Variants in SYNE1 observed in about 807,000 individuals in gnomAD.
The protein encoded by SYNE1 is nesprin-1.
Under a neutral mutation model 1,111.0 loss-of-function variants are expected in SYNE1, and 616 were observed. The observed-to-expected ratio is 0.55, with a 90% CI of 0.52 to 0.59. The LOEUF is 0.59. SYNE1 is among the 20% of genes least tolerant of loss of function. The probability of loss-of-function intolerance (pLI) is 0.00; values close to 1 mark genes in which losing one functional copy is unlikely to be tolerated. For missense variants in SYNE1, 10,006 were observed against 10,417.0 expected, an observed-to-expected ratio of 0.96 and a Z score of 1.72; for synonymous variants, 3,855 against 3,825.8, an observed-to-expected ratio of 1.01 and a Z score of -0.28.
intron 121 of SYNE1, among the ~76,000 whole-genome samples, chr6:152,217,257 G>A (rs554742142): frequency 4.6e-5 from 7 of 150,578 alleles, no homozygotes; most frequent in East Asian, 2.0e-4. Context: ...TTAGCCAGGC[G>A]TGGTGGACAG....
intron 9 of SYNE1, among the ~76,000 whole-genome samples, chr6:152,504,355 AAC>A (rs1402013408): frequency 1.3e-5 from 2 of 152,150 alleles, no homozygotes; most frequent in African/African-American, 4.8e-5. Flanking sequence ...TACTCTTGGA[AAC>A]ACAAGTCTAT....
intron 107 of SYNE1, among the ~76,000 whole-genome samples, chr6:152,240,914 T>C (rs1190409959): frequency 6.6e-6 from 1 of 152,166 alleles, no homozygotes; most frequent in Non-Finnish European, 1.5e-5. Flanking sequence ...GCTAGAATCA[T>C]TATTTTTAAC....
At chr6:152,555,936 C>T (rs1427163765) in intron 3 of SYNE1, among the ~76,000 whole-genome samples, 2 of 152,164 alleles carry the variant, frequency 1.3e-5, no homozygotes, top group African/African-American at 2.4e-5. Flanking sequence ...AATGGTTCAG[C>T]TACCTATGTC....
intron 62 of SYNE1, among the ~76,000 whole-genome samples, chr6:152,365,306 A>C (rs930668237): frequency 6.6e-6 from 1 of 152,202 alleles, no homozygotes. Context: ...CAAGGGAAAA[A>C]TATAGTACAG....
chr6:152,439,815 A>G (rs750067340), intron 32 of SYNE1, among the ~76,000 whole-genome samples: 5 of 152,136 alleles, frequency 3.3e-5, no homozygotes, highest in Non-Finnish European at 5.9e-5. Context: ...ATAAACCCCA[A>G]AGAGGCACCA....
At chr6:152,310,347 T>C in intron 89 of SYNE1, 49 bp downstream of exon 89, 1 of 1,612,084 alleles carries the variant, frequency 6.2e-7, no homozygotes, top group South Asian at 1.1e-5. Context: ...TATCCTCTTT[T>C]AAAAATATAG....
At chr6:152,389,042 C>T (rs1013714203) in intron 53 of SYNE1, among the ~76,000 whole-genome samples, 1 of 151,732 alleles carries the variant, frequency 6.6e-6, no homozygotes, top group African/African-American at 2.4e-5. Context: ...AGAGTCACTG[C>T]CTATGCTCCA....
At chr6:152,479,179 G>C (rs547083333) in intron 14 of SYNE1, among the ~76,000 whole-genome samples, 1 of 152,078 alleles carries the variant, frequency 6.6e-6, no homozygotes, top group Non-Finnish European at 1.5e-5. Flanking sequence ...TTGGGTGTAG[G>C]ACAGGATCCT....
At chr6:152,407,288 A>G (rs996896402) in intron 44 of SYNE1, 92 bp from the exon 45 acceptor site, 10 of 1,279,728 alleles carry the variant, frequency 7.8e-6, no homozygotes, top group East Asian at 4.9e-5. Context: ...TTATCAGAAA[A>G]GTATATTCTG....
chr6:152,227,460 T>C (rs972351827), intron 115 of SYNE1, among the ~76,000 whole-genome samples: 1 of 152,190 alleles, frequency 6.6e-6, no homozygotes, highest in East Asian at 1.9e-4. Flanking sequence ...ATCATTTTTG[T>C]TTTTCATATT....
chr6:152,433,769 A>G, intron 34 of SYNE1, 26 bp downstream of exon 34: 1 of 1,613,362 alleles, frequency 6.2e-7, no homozygotes, highest in Non-Finnish European at 8.5e-7. Flanking sequence ...GACATGGATT[A>G]TAAATATAAT....
At position 152,164,163 on chromosome 6, in the gene SYNE1, C is replaced by G; in HGVS notation, c.23790G>C (p.Gln7930His). ...EEIQRKLNEQ[Q>H]ELQRDIEKHS... ...ATTCCATTTCCATTTTAAGTCTTAC[C>G]TGCTGCTCATTAAGCTTTCTCTGTA... The change falls in exon 131 of 146, where the codon CAG becomes CAC. Residue 7930 changes from glutamine (Q) to histidine (H), a missense_variant and splice_region_variant. This residue lies in a region of SYNE1 where 2,182 missense variants were observed against 2,287.8 expected (regional missense o/e 0.95). Transcript: ENST00000367255. 6.2e-7 allele frequency: 1 copy of G among 1,614,136 alleles called. No homozygotes were observed. Among genetic ancestry groups the G allele is most frequent in the Non-Finnish European group, 8.5e-7 (1 of 1,179,996 alleles).
At chr6:152,132,024 G>A (rs1403784012) in intron 144 of SYNE1, 98 bp downstream of exon 144, 1 of 1,114,954 alleles carries the variant, frequency 9.0e-7, no homozygotes, top group Non-Finnish European at 1.4e-6. Flanking sequence ...CTCCTCTGGA[G>A]GGGACGCCTG....
intron 32 of SYNE1, among the ~76,000 whole-genome samples, chr6:152,438,616 C>T (rs1249113933): frequency 6.6e-6 from 1 of 152,056 alleles, no homozygotes. Context: ...GACCTTTGGC[C>T]ACATCTCTCT....
chr6:152,211,298 A>C (rs2077483698), intron 124 of SYNE1, among the ~76,000 whole-genome samples, 196 bp downstream of exon 124: 4 of 152,190 alleles, frequency 2.6e-5, no homozygotes, highest in Non-Finnish European at 4.4e-5. Context: ...CATATAATAT[A>C]ATAGCAGCTC....
intron 126 of SYNE1, 56 bp downstream of exon 126, chr6:152,206,111 GA>G: frequency 6.8e-7 from 1 of 1,480,220 alleles, no homozygotes; most frequent in South Asian, 1.2e-5. Context: ...ACAATGGGAG[GA>G]AGTAGTACAA....
chr6:152,496,269 T>C (rs1258947648), intron 11 of SYNE1, among the ~76,000 whole-genome samples: 1 of 152,148 alleles, frequency 6.6e-6, no homozygotes, highest in Non-Finnish European at 1.5e-5. Context: ...AGGAGAACTC[T>C]GTATATTTTT....
At position 152,465,798 on chromosome 6, in the gene SYNE1, A is replaced by C. The variant is rs556585455; in HGVS notation, c.1729+184T>G. Among the ~76,000 whole-genome samples, 6 of 108,650 alleles carry C rather than the reference A, an allele frequency of 5.5e-5. No individual in the cohort carries two copies. In the South Asian group the frequency reaches 1.8e-3, roughly 33 times the overall value. The allele number at this position is 108,650 out of a possible 152,430, so 71.3% of individuals were successfully genotyped here. ...ACACACACACACACACACACACACA[A>C]TGATTATGCAGGTTAGGCATTGTAC... On this transcript the variant is annotated intron_variant, in intron 17 of 145. Transcript: ENST00000367255.
intron 56 of SYNE1, among the ~76,000 whole-genome samples, chr6:152,378,996 A>G (rs2097345313): frequency 6.6e-6 from 1 of 152,200 alleles, no homozygotes; most frequent in Admixed American, 6.5e-5. Flanking sequence ...TGAAATTCCA[A>G]ACACTAAACT....
Sources: allele counts gnomAD v4.1 joint callset (sites outside exome capture counted in the v4.1 genomes callset), GRCh38; gene constraint gnomAD v4.1.1; regional missense constraint gnomAD v4.1.1; transcripts MANE v1.5; gene names NCBI Gene and HGNC (gene_info 2026-07-23, HGNC 2026-07-21).